The following CNTNAP5 variants were observed in gnomAD, a reference collection of about 807,000 sequenced individuals.
CNTNAP5 encodes contactin associated protein family member 5.
A neutral mutation model predicts 150.2 loss-of-function variants in CNTNAP5; 72 were observed. The ratio of observed to expected loss-of-function variants is 0.48; its 90% confidence interval spans 0.40 to 0.58. The LOEUF (loss-of-function observed/expected upper bound fraction) is 0.58, where lower values mean the gene tolerates loss of function less well. CNTNAP5 is among the 20% of genes least tolerant of loss of function. The pLI, the probability that CNTNAP5 is intolerant of heterozygous loss-of-function variation, is 0.00. For synonymous variants in CNTNAP5, 672 were observed against 619.8 expected (o/e 1.08, Z -1.25); for missense variants, 1,636 against 1,626.2 (o/e 1.01, Z -0.10).
chr2:124,792,817 T>C, intron 18 of CNTNAP5, among the ~76,000 whole-genome samples: 1 of 152,308 alleles, frequency 6.6e-6, no homozygotes, highest in South Asian at 2.1e-4. Flanking sequence ...TTACTTCGCA[T>C]AATATTGTCC....
At chr2:124,028,795 G>A (rs1362089699) in intron 1 of CNTNAP5, among the ~76,000 whole-genome samples, 3 of 152,088 alleles carry the variant, frequency 2.0e-5, no homozygotes, top group African/African-American at 7.2e-5. Context: ...TACCTATTAT[G>A]TTATTCAACC....
intron 14 of CNTNAP5, among the ~76,000 whole-genome samples, chr2:124,760,640 A>G (rs1198243796): frequency 2.0e-5 from 3 of 152,128 alleles, no homozygotes; most frequent in African/African-American, 7.2e-5. Flanking sequence ...TAAGGATCAT[A>G]TGCCTATTCC....
At chr2:124,294,511 T>C (rs1312906229) in intron 3 of CNTNAP5, among the ~76,000 whole-genome samples, 4 of 152,104 alleles carry the variant, frequency 2.6e-5, no homozygotes, top group Admixed American at 2.6e-4. Flanking sequence ...AACCACAAAA[T>C]GACAAGTGCA....
At chr2:124,573,090 C>A (rs190752944) in intron 11 of CNTNAP5, among the ~76,000 whole-genome samples, 2 of 152,132 alleles carry the variant, frequency 1.3e-5, no homozygotes, top group African/African-American at 4.8e-5. Context: ...TGGAGTTTGA[C>A]CTTAGTTCTA....
intron 11 of CNTNAP5, among the ~76,000 whole-genome samples, chr2:124,605,632 T>C (rs1220809278): frequency 6.6e-6 from 1 of 151,688 alleles, no homozygotes; most frequent in Non-Finnish European, 1.5e-5. Context: ...TTGACTAACA[T>C]GGTGAAACCC....
rs1333421512 is a variant in CNTNAP5, at chr2:124,025,617, G to C, written c.-34G>C. The C allele has an allele frequency of 1.2e-6, 2 of 1,603,870 alleles. No individual in the cohort carries two copies. Among genetic ancestry groups the C allele is most frequent in the Non-Finnish European group, 1.7e-6 (2 of 1,170,802 alleles). ...CCGCGGCTGGCTACTGCGAATTTGGGATTCGATTGGGAGGGACCGCTCACT... is the reference window on the plus strand; with the variant it reads ...CCGCGGCTGGCTACTGCGAATTTGGCATTCGATTGGGAGGGACCGCTCACT... On this transcript the variant is annotated 5_prime_UTR_variant, in exon 1 of 24. Transcript: ENST00000682447.
At chr2:124,287,092 C>T (rs17011309) in intron 3 of CNTNAP5, among the ~76,000 whole-genome samples, 13,184 of 152,210 alleles carry the variant, frequency 0.087, 753 homozygotes, top group Middle Eastern at 0.15. Flanking sequence ...GACTCCCACT[C>T]GCTCAAAGGT....
intron 10 of CNTNAP5, among the ~76,000 whole-genome samples, chr2:124,558,730 A>C (rs1573458034): frequency 6.6e-6 from 1 of 152,180 alleles, no homozygotes; most frequent in African/African-American, 2.4e-5. Flanking sequence ...CTCCAGCTGG[A>C]AACTTCAGCC....
intron 13 of CNTNAP5, among the ~76,000 whole-genome samples, chr2:124,660,411 A>G (rs1041569470): frequency 6.6e-6 from 1 of 152,246 alleles, no homozygotes; most frequent in African/African-American, 2.4e-5. Context: ...ACCAAGTAGT[A>G]TCTAAAACAG....
intron 1 of CNTNAP5, among the ~76,000 whole-genome samples, chr2:124,038,392 C>A (rs1681280224): frequency 6.6e-6 from 1 of 152,102 alleles, no homozygotes; most frequent in South Asian, 2.1e-4. Context: ...ACTCAGAGGA[C>A]CTGCTTGCTT....
At position 124,920,472 on chromosome 2, in the gene CNTNAP5, GT is replaced by G; in HGVS notation, c.*6185del. ...AGGTAGTATCAACCTGTGTAACCTT[GT>G]CCTGCCTTAAATACTGTTGCAAAAA... On this transcript the variant is annotated 3_prime_UTR_variant, in exon 24 of 24. Transcript: ENST00000682447. 6.6e-6 allele frequency among the ~76,000 whole-genome samples: 1 copy of G among 152,154 alleles called. No homozygotes were observed. Among genetic ancestry groups the G allele is most frequent in the Middle Eastern group, 3.4e-3 (1 of 294 alleles).
At chr2:124,598,725 G>A (rs1185259372) in intron 11 of CNTNAP5, among the ~76,000 whole-genome samples, 13 of 152,096 alleles carry the variant, frequency 8.5e-5, no homozygotes, top group South Asian at 6.2e-4. Context: ...GGGCAATGGC[G>A]GGCGCCCCTC....
intron 19 of CNTNAP5, among the ~76,000 whole-genome samples, chr2:124,848,153 T>C (rs1683086847): frequency 6.6e-6 from 1 of 152,166 alleles, no homozygotes; most frequent in African/African-American, 2.4e-5. Flanking sequence ...ACTTTGTAAT[T>C]GAAAATTTGA....
At chr2:124,507,394 G>C (rs537257594) in intron 8 of CNTNAP5, among the ~76,000 whole-genome samples, 2 of 152,246 alleles carry the variant, frequency 1.3e-5, no homozygotes, top group African/African-American at 4.8e-5. Flanking sequence ...GGGAGGCCGA[G>C]GCTGCAGTGA....
chr2:124,470,971 T>A (rs543729334), intron 6 of CNTNAP5, among the ~76,000 whole-genome samples: 1 of 152,286 alleles, frequency 6.6e-6, no homozygotes, highest in East Asian at 1.9e-4. Flanking sequence ...TTGGTTAGTG[T>A]AGCCTTGTAG....
intron 3 of CNTNAP5, among the ~76,000 whole-genome samples, chr2:124,274,292 A>G (rs1396621381): frequency 6.6e-6 from 1 of 152,186 alleles, no homozygotes; most frequent in Non-Finnish European, 1.5e-5. Context: ...CATCTTTCAC[A>G]GACAGCATCT....
At chr2:124,441,011 A>C (rs1249565432) in intron 5 of CNTNAP5, among the ~76,000 whole-genome samples, 1 of 152,024 alleles carries the variant, frequency 6.6e-6, no homozygotes, top group Non-Finnish European at 1.5e-5. Flanking sequence ...GGGAAAATGA[A>C]ACATTTCTGA....
At position 124,713,244 on chromosome 2, in the gene CNTNAP5, T is replaced by TTC. The variant is rs754457234; in HGVS notation, c.2078-33985_2078-33984insTC. ...GTTTCTTTCTTTCTTTCTTTCTTTC[T>TTC]CTTTCTTTCTTTCTTTCTTTCTTTC... On this transcript the variant is annotated intron_variant, in intron 13 of 23. Transcript: ENST00000682447. Among the ~76,000 whole-genome samples, 114 of 22,754 alleles carry TTC rather than the reference T, an allele frequency of 5.0e-3. 6 individuals are homozygous for TTC. The highest frequency in any genetic ancestry group is 0.021 in the African/African-American group (114 of 5,552). 14.9% of individuals were successfully genotyped at this position (22,754 alleles called of 152,430 possible). A position where few individuals can be genotyped will look rare whatever the true frequency, so the allele number is the denominator to read the frequency against.
chr2:124,422,247 A>G (rs1692122773), intron 4 of CNTNAP5, among the ~76,000 whole-genome samples: 1 of 152,190 alleles, frequency 6.6e-6, no homozygotes, highest in African/African-American at 2.4e-5. Context: ...TTAGTTGAGT[A>G]TGTTGCTAAA....
Sources: gnomAD v4.1 joint callset for allele counts (sites outside exome capture counted in the v4.1 genomes callset) on GRCh38, gnomAD v4.1.1 for gene constraint, MANE v1.5 for transcripts, NCBI Gene and HGNC (gene_info 2026-07-23, HGNC 2026-07-21) for gene names.